Variants in LTBP1 observed in about 807,000 individuals in gnomAD.
LTBP1 encodes latent transforming growth factor beta binding protein 1, also known as latent-transforming growth factor beta-binding protein 1.
Under a neutral mutation model 207.6 loss-of-function variants are expected in LTBP1, and 129 were observed. The observed-to-expected ratio is 0.62, with a 90% CI of 0.54 to 0.72. LTBP1 has a LOEUF of 0.72. Among genes scored for constraint, LTBP1 ranks in the 30% least tolerant of loss-of-function variants. The probability of loss-of-function intolerance (pLI) is 0.00; values close to 1 mark genes in which losing one functional copy is unlikely to be tolerated. For synonymous variants in LTBP1, 963 were observed against 833.7 expected, an observed-to-expected ratio of 1.16 and a Z score of -2.67; for missense variants, 2,281 against 2,217.2, an observed-to-expected ratio of 1.03 and a Z score of -0.58.
intron 3 of LTBP1, among the ~76,000 whole-genome samples, chr2:33,069,668 C>T (rs2077691008): frequency 6.6e-6 from 1 of 152,226 alleles, no homozygotes; most frequent in African/African-American, 2.4e-5. Flanking sequence ...CAGTTATCTG[C>T]TCACAAAACA....
rs2093124418 is a variant in LTBP1 at position 33,264,646 on chromosome 2, G to A, written c.2617+1254G>A. Among the ~76,000 whole-genome samples, 6 of 152,202 alleles carry A rather than the reference G, an allele frequency of 3.9e-5. 1 individual carries two copies. In the South Asian group the frequency reaches 1.2e-3, roughly 32 times the overall value. On this transcript the variant is annotated intron_variant, in intron 15 of 33. Coordinates refer to ENST00000404816, the MANE Select transcript of LTBP1 (RefSeq NM_206943.4). ...TGTAACAGAAAATTTCGACTTTCCT[G>A]GTAATCAAAGAAAGGCAAACTAACC... is the stretch of plus-strand genomic sequence containing the variant.
chr2:32,947,056 G>C lies in LTBP1; in HGVS notation c.-269G>C, dbSNP rs1473408785. ...GGACGCGCGGACCCTCACCTTGCGC[G>C]GCCCGCTCCCCTCGCCCCTCCCCGC... On this transcript the variant is annotated 5_prime_UTR_variant, in exon 1 of 34. Transcript: ENST00000404816. 1 of 280,904 alleles carries C rather than the reference G, an allele frequency of 3.6e-6. No homozygotes were observed. Among genetic ancestry groups the C allele is most frequent in the East Asian group, 6.0e-5 (1 of 16,742 alleles). 17.4% of individuals were successfully genotyped at this position (280,904 alleles called of 1,614,324 possible).
intron 3 of LTBP1, among the ~76,000 whole-genome samples, chr2:33,025,566 A>G (rs1284993649): frequency 6.6e-6 from 1 of 152,240 alleles, no homozygotes; most frequent in Non-Finnish European, 1.5e-5. Context: ...AAAGAAAAAG[A>G]TAACAATGAC....
At chr2:33,087,794 T>C (rs1022237833) in intron 3 of LTBP1, among the ~76,000 whole-genome samples, 1 of 152,170 alleles carries the variant, frequency 6.6e-6, no homozygotes, top group Non-Finnish European at 1.5e-5. Flanking sequence ...ATTTCTCGAG[T>C]TTTCGGAAAT....
intron 3 of LTBP1, among the ~76,000 whole-genome samples, chr2:33,061,784 C>T (rs1388097544): frequency 1.3e-5 from 2 of 152,048 alleles, no homozygotes; most frequent in African/African-American, 2.4e-5. Context: ...TGTGAGTTTT[C>T]CTGTGGACAT....
chr2:32,955,452 T>C (rs993711913), intron 2 of LTBP1, among the ~76,000 whole-genome samples: 2 of 151,942 alleles, frequency 1.3e-5, no homozygotes, highest in African/African-American at 4.8e-5. Flanking sequence ...ATTTAAACAC[T>C]TTGGAACAGT....
chr2:33,310,274 C>T (rs1042683091), intron 23 of LTBP1, among the ~76,000 whole-genome samples: 1 of 152,068 alleles, frequency 6.6e-6, no homozygotes, highest in Non-Finnish European at 1.5e-5. Flanking sequence ...TCCTAAAAAG[C>T]CTCACTAATA....
intron 3 of LTBP1, chr2:33,063,072 C>T (rs2077344938): frequency 6.6e-6 from 1 of 152,250 alleles, no homozygotes. Flanking sequence ...TCCTGTCCCA[C>T]ACTGTCTTGA....
chr2:33,081,920 G>A (rs750838669), intron 3 of LTBP1, among the ~76,000 whole-genome samples: 60 of 152,030 alleles, frequency 3.9e-4, no homozygotes, highest in Non-Finnish European at 1.5e-4. Flanking sequence ...TTCCCCTTCC[G>A]CCACCACGAT....
intron 3 of LTBP1, among the ~76,000 whole-genome samples, chr2:33,060,353 A>T (rs1449177789): frequency 6.6e-6 from 1 of 152,164 alleles, no homozygotes; most frequent in Non-Finnish European, 1.5e-5. Flanking sequence ...GAATACACAC[A>T]GATAATTGAC....
At chr2:33,206,248 A>G (rs761836429) in intron 7 of LTBP1, among the ~76,000 whole-genome samples, 3 of 152,308 alleles carry the variant, frequency 2.0e-5, no homozygotes, top group South Asian at 2.1e-4. Flanking sequence ...ATGACTTGCA[A>G]CCAAACCACA....
intron 2 of LTBP1, among the ~76,000 whole-genome samples, chr2:32,959,692 C>T (rs968244195): frequency 1.4e-5 from 2 of 141,918 alleles, no homozygotes; most frequent in Non-Finnish European, 3.0e-5. Context: ...GTGATCTCAG[C>T]TCACGGCAGC....
chr2:33,318,032 A>C (rs1197803880), intron 24 of LTBP1: 1 of 152,242 alleles, frequency 6.6e-6, no homozygotes, highest in African/African-American at 2.4e-5. Flanking sequence ...TTATGAGTGC[A>C]GATGTGATGC....
intron 4 of LTBP1, among the ~76,000 whole-genome samples, chr2:33,118,667 G>A (rs1253050131): frequency 1.3e-5 from 2 of 152,158 alleles, no homozygotes; most frequent in African/African-American, 2.4e-5. Context: ...GATGAACAGG[G>A]TTCTGCTGAG....
chr2:33,283,424 AG>A (rs1318840689), intron 19 of LTBP1, among the ~76,000 whole-genome samples: 1 of 145,338 alleles, frequency 6.9e-6, no homozygotes, highest in Non-Finnish European at 1.5e-5. Context: ...ATAACATTAA[AG>A]ACTTTTTTTT....
At chr2:33,249,038 A>T (rs1463631705) in intron 10 of LTBP1, among the ~76,000 whole-genome samples, 1 of 152,172 alleles carries the variant, frequency 6.6e-6, no homozygotes, top group Non-Finnish European at 1.5e-5. Context: ...CTGTAAAGGG[A>T]TTAAATGCTA....
At chr2:33,027,030 T>C (rs1317078693) in intron 3 of LTBP1, among the ~76,000 whole-genome samples, 1 of 152,220 alleles carries the variant, frequency 6.6e-6, no homozygotes, top group Non-Finnish European at 1.5e-5. Flanking sequence ...TAATACGGTG[T>C]GTTTTTTTTC....
chr2:33,200,162 T>C (rs1287679580), intron 7 of LTBP1, among the ~76,000 whole-genome samples: 3 of 151,978 alleles, frequency 2.0e-5, no homozygotes, highest in Non-Finnish European at 2.9e-5. Context: ...GAGCCCACAT[T>C]GCCAAGTCAA....
intron 26 of LTBP1, among the ~76,000 whole-genome samples, chr2:33,357,114 A>G (rs908529990): frequency 6.6e-6 from 1 of 152,140 alleles, no homozygotes; most frequent in Non-Finnish European, 1.5e-5. Context: ...AGATTTTCTC[A>G]CCCCAACAGT....
Sources: gnomAD v4.1 joint callset for allele counts (sites outside exome capture counted in the v4.1 genomes callset) on GRCh38, gnomAD v4.1.1 for gene constraint, MANE v1.5 for transcripts, NCBI Gene and HGNC (gene_info 2026-07-23, HGNC 2026-07-21) for gene names.